The following NEK2 variants were observed in gnomAD, a reference collection of about 807,000 sequenced individuals.
NEK2 encodes the protein NIMA related kinase 2.
A neutral mutation model predicts 54.1 loss-of-function variants in NEK2; 28 were observed. The ratio of observed to expected loss-of-function variants is 0.52; its 90% CI spans 0.38 to 0.71. The LOEUF (loss-of-function observed/expected upper bound fraction) is 0.71, where lower values mean the gene tolerates loss of function less well. Ranked by LOEUF, NEK2 falls within the 30% of genes least tolerant of loss-of-function variation. The pLI is 0.00. For missense variants in NEK2, 407 were observed against 531.5 expected (o/e 0.77, Z 2.30); for synonymous variants, 176 against 193.1 (o/e 0.91, Z 0.73).
At chr1:211,662,682 A>G, downstream of NEK2, 1 of 611,094 alleles carries the variant, frequency 1.6e-6, no homozygotes. This position sits in a 1 kb window ranked among gnomAD's most constrained non-coding sequence, Gnocchi z 4.2. Context: ...CATCAGATCC[A>G]TGTTTCCTTC....
intron 6 of NEK2, among the ~76,000 whole-genome samples, chr1:211,668,593 G>A (rs1655251584): frequency 6.6e-6 from 1 of 151,942 alleles, no homozygotes; most frequent in Non-Finnish European, 1.5e-5. Flanking sequence ...ACCAGCCTGG[G>A]TAATATAGTG....
chr1:211,667,310 A>C, intron 6 of NEK2, 79 bp from the exon 7 acceptor site: 3 of 1,388,084 alleles, frequency 2.2e-6, no homozygotes, highest in Non-Finnish European at 3.0e-6. Context: ...TGGCAATCTT[A>C]TCACTACTAG....
At chr1:211,666,784 G>C (rs1655194340) in intron 7 of NEK2, 2 of 627,960 alleles carry the variant, frequency 3.2e-6, no homozygotes, top group African/African-American at 2.0e-5. Flanking sequence ...GGGCTACAGA[G>C]TGAGACTCCA....
At chr1:211,670,711 A>G (rs1428168531) in intron 4 of NEK2, among the ~76,000 whole-genome samples, 1 of 152,162 alleles carries the variant, frequency 6.6e-6, no homozygotes, top group African/African-American at 2.4e-5. Context: ...TTATCCAAAC[A>G]TCATCAAATG....
chr1:211,666,413 A>T (rs1655179596), intron 7 of NEK2: 1 of 754,762 alleles, frequency 1.3e-6, no homozygotes, highest in Non-Finnish European at 1.6e-6. Context: ...AAAATGAGGC[A>T]TGGCAATATT....
Position 211,674,417 on chromosome 1 carries a change from G to A in NEK2, c.193C>T (p.Pro65Ser), listed in dbSNP as rs771809019. The change falls in exon 2 of 8, where the codon CCA becomes TCA. Residue 65 changes from proline (P) to serine (S), a missense_variant. Physicochemically the swap from Pro to Ser is moderately conservative, Grantham distance 74. Coordinates refer to ENST00000366999, the MANE Select transcript of NEK2 (RefSeq NM_002497.4). ...EVNLLRELKH[P>S]NIVRYYDRII... ...CGATCATAGTAACGAACGATGTTTG[G>A]ATGTTTCAGTTCACGAAGCAAATTC... is the stretch of plus-strand genomic sequence containing the variant. 2 of 1,614,076 alleles carry A rather than the reference G, an allele frequency of 1.2e-6. No homozygotes were observed. Among genetic ancestry groups the A allele is most frequent in the Non-Finnish European group, 8.5e-7 (1 of 1,179,984 alleles).
chr1:211,666,493 T>A (rs1655182044), intron 7 of NEK2: 1 of 980,406 alleles, frequency 1.0e-6, no homozygotes, highest in African/African-American at 1.8e-5. Flanking sequence ...GTTTTGTAAA[T>A]GCCCTAATTT....
At position 211,669,214 on chromosome 1, in the gene NEK2, T is replaced by A. The variant is rs1433287246; in HGVS notation, c.884A>T (p.Lys295Ile). 1.9e-6 allele frequency: 3 copies of A among 1,613,926 alleles called. No homozygotes were observed. The African/African-American group carries it at 4.0e-5, about 22-fold the overall frequency. The change falls in exon 6 of 8, where the codon AAA (lysine) becomes ATA (isoleucine). Residue 295 changes from lysine to isoleucine, a missense_variant. Coordinates refer to ENST00000366999, the MANE Select transcript of NEK2 (RefSeq NM_002497.4). ...RRGRQLGEPE[K>I]SQDSSPVLSE... ...CAATACAGGGCTGGAATCCTGCGATTTTTCTGGCTCTCCTAATTGTCGCCC... is the reference window on the plus strand; with the variant it reads ...CAATACAGGGCTGGAATCCTGCGATATTTCTGGCTCTCCTAATTGTCGCCC...
chr1:211,671,487 T>A (rs1432675588), intron 3 of NEK2, among the ~76,000 whole-genome samples: 1 of 152,248 alleles, frequency 6.6e-6, no homozygotes, highest in Non-Finnish European at 1.5e-5. Flanking sequence ...TTCACTCATT[T>A]TCCATTCACA....
intron 2 of NEK2, 145 bp downstream of exon 2, chr1:211,674,151 G>A (rs1655497262): frequency 1.5e-6 from 1 of 647,004 alleles, no homozygotes; most frequent in Admixed American, 3.3e-5. Context: ...TATGGGTGTT[G>A]ATTCACCAGG....
intron 7 of NEK2, chr1:211,666,604 T>C (rs1655186751): frequency 7.3e-6 from 3 of 410,294 alleles, no homozygotes; most frequent in Non-Finnish European, 9.8e-6. Flanking sequence ...ATCGAGACCA[T>C]CCTGGCTAAC....
At chr1:211,674,559 A>C (rs1425610907) in intron 1 of NEK2, 46 bp from the exon 2 acceptor site, 1 of 1,403,166 alleles carries the variant, frequency 7.1e-7, no homozygotes, top group East Asian at 2.5e-5. Context: ...TTATGCTCAA[A>C]AACAAAGAAT....
At chr1:211,674,596 C>T in intron 1 of NEK2, 83 bp from the exon 2 acceptor site, 1 of 1,000,658 alleles carries the variant, frequency 1.0e-6, no homozygotes, top group Non-Finnish European at 1.5e-6. Flanking sequence ...AACAAATTAC[C>T]TCCCTTTTAA....
At position 211,675,494 on chromosome 1, in the gene NEK2, C is replaced by T; in HGVS notation, c.-15G>A. On this transcript the variant is annotated 5_prime_UTR_variant, in exon 1 of 8. Coordinates refer to ENST00000366999, the MANE Select transcript of NEK2 (RefSeq NM_002497.4). Reference sequence around the variant, plus strand: ...CGGGAAGGCATGGCCGGCCAGTCGCCAGAGTCGCGCTGCCTCACGCAGGTT... The same window carrying T: ...CGGGAAGGCATGGCCGGCCAGTCGCTAGAGTCGCGCTGCCTCACGCAGGTT... The T allele has an allele frequency of 2.5e-6, 4 of 1,609,998 alleles. No homozygotes were observed. Among genetic ancestry groups the T allele is most frequent in the Non-Finnish European group, 3.4e-6 (4 of 1,177,706 alleles).
chr1:211,663,467 T>G lies in NEK2; in HGVS notation c.1297A>C (p.Asn433His). ...RAQALSDIEK[N>H]YQLKSRQILG... ...ATCTGTCTGCTTTTCAGTTGGTAAT[T>G]TTTCTCAATATCTGACAGGGCTTGA... The change falls in exon 8 of 8, where the codon AAT (asparagine) becomes CAT (histidine). Residue 433 changes from asparagine to histidine, a missense_variant. By Grantham distance (68) the Asn-to-His change is moderately conservative. Transcript: ENST00000366999. The G allele has an allele frequency of 5.0e-6, 8 of 1,613,828 alleles. No homozygotes were observed. The highest frequency in any genetic ancestry group is 6.8e-6 in the Non-Finnish European group (8 of 1,179,810).
chr1:211,661,307 T>G, downstream of NEK2: 1 of 531,292 alleles, frequency 1.9e-6, no homozygotes, highest in Non-Finnish European at 3.5e-6. Flanking sequence ...GCTTCTAAAC[T>G]GAAGTTTTTG....
intron 1 of NEK2, 142 bp downstream of exon 1, chr1:211,675,242 A>G (rs1655541332): frequency 1.4e-6 from 1 of 724,064 alleles, no homozygotes; most frequent in East Asian, 2.5e-5. Flanking sequence ...ACAGGCTGTC[A>G]GATGCAGACC....
At chr1:211,666,391 T>C (rs1328498616) in intron 7 of NEK2, 4 of 617,942 alleles carry the variant, frequency 6.5e-6, no homozygotes, top group Non-Finnish European at 8.1e-6. Context: ...TTTTAAGCCA[T>C]GCTTTCTATG....
Position 211,663,101 on chromosome 1 carries a change from AT to A in NEK2, c.*324del, listed in dbSNP as rs1655061314. On this transcript the variant is annotated 3_prime_UTR_variant, in exon 8 of 8. Coordinates refer to ENST00000366999, the MANE Select transcript of NEK2 (RefSeq NM_002497.4). ...TGAGTGCTACTCTTCCTGCATAAAT[AT>A]TTTTTTCCTAACATTATTTTTTCTC... The A allele has an allele frequency of 1.9e-6, 2 of 1,067,026 alleles. No individual in the cohort carries two copies. The highest frequency in any genetic ancestry group is 1.7e-5 in the African/African-American group (1 of 60,380). 66.1% of individuals were successfully genotyped at this position (1,067,026 alleles called of 1,614,324 possible). A position where few individuals can be genotyped will look rare whatever the true frequency, so the allele number is the denominator to read the frequency against.
Sources: allele counts gnomAD v4.1 joint callset (sites outside exome capture counted in the v4.1 genomes callset), GRCh38; gene constraint gnomAD v4.1.1; non-coding constraint Gnocchi (gnomAD v3.1); transcripts MANE v1.5; gene names NCBI Gene and HGNC (gene_info 2026-07-23, HGNC 2026-07-21).